COL5A2: variants seen among roughly 807,000 people sequenced by gnomAD.
COL5A2 encodes the protein collagen type V alpha 2 chain, also known as collagen alpha-2(V) chain.
In COL5A2, 23 loss-of-function variants were observed where a neutral mutation model predicts 208.2. That is an observed-to-expected ratio of 0.11 (90% CI 0.08 to 0.16). COL5A2 has a LOEUF of 0.16. Ranked by LOEUF, COL5A2 falls within the 10% of genes least tolerant of loss-of-function variation. COL5A2 has a pLI of 1.00. For missense variants in COL5A2, 1,590 were observed against 1,956.4 expected, an observed-to-expected ratio of 0.81 and a Z score of 3.53; for synonymous variants, 625 against 628.5, an observed-to-expected ratio of 0.99 and a Z score of 0.08.
At chr2:189,336,289 T>C in the COL5A2 span, among the ~76,000 whole-genome samples, 1 of 152,298 alleles carries the variant, frequency 6.6e-6, no homozygotes, top group Middle Eastern at 3.4e-3. Flanking sequence ...ACATTGCTGT[T>C]GAGATTGTCA....
intron 1 of COL5A2, among the ~76,000 whole-genome samples, chr2:189,174,064 CTG>C (rs1232698587): frequency 6.6e-6 from 1 of 152,158 alleles, no homozygotes; most frequent in South Asian, 2.1e-4. Flanking sequence ...CCAGAGAAAA[CTG>C]TATGATTTTT....
intron 35 of COL5A2, among the ~76,000 whole-genome samples, chr2:189,055,547 T>C (rs1162031924): frequency 1.3e-5 from 2 of 152,232 alleles, no homozygotes; most frequent in African/African-American, 4.8e-5. Context: ...TTATAGTCTC[T>C]GGATCTACAA....
chr2:189,103,178 G>A (rs1261945693), intron 3 of COL5A2, among the ~76,000 whole-genome samples: 1 of 151,900 alleles, frequency 6.6e-6, no homozygotes. Context: ...GTTTGTTCAA[G>A]GCCTATACCA....
At chr2:189,202,574 A>G (rs939132110) in intron 1 of COL5A2, among the ~76,000 whole-genome samples, 1 of 152,136 alleles carries the variant, frequency 6.6e-6, no homozygotes, top group Non-Finnish European at 1.5e-5. Flanking sequence ...ATGTGGTAGA[A>G]AATTGTGAGC....
the COL5A2 span, among the ~76,000 whole-genome samples, chr2:189,297,423 G>A: frequency 6.6e-6 from 1 of 152,116 alleles, no homozygotes; most frequent in East Asian, 1.9e-4. Flanking sequence ...ATGTTATTAT[G>A]CATGACATGC....
chr2:189,418,072 G>A, the COL5A2 span, among the ~76,000 whole-genome samples: 1 of 151,934 alleles, frequency 6.6e-6, no homozygotes, highest in Non-Finnish European at 1.5e-5. Context: ...ACAAAAGGAA[G>A]AGTTATCTTA....
At chr2:189,297,158 G>T in the COL5A2 span, among the ~76,000 whole-genome samples, 1 of 152,160 alleles carries the variant, frequency 6.6e-6, no homozygotes, top group Non-Finnish European at 1.5e-5. Flanking sequence ...TAACTTCAAA[G>T]ATTTTTAAAA....
chr2:189,117,968 G>A (rs1687428081), intron 1 of COL5A2, among the ~76,000 whole-genome samples: 1 of 152,068 alleles, frequency 6.6e-6, no homozygotes, highest in African/African-American at 2.4e-5. Context: ...GTTTGCTTAA[G>A]AAGCTTTATA....
At chr2:189,308,128 G>A in the COL5A2 span, among the ~76,000 whole-genome samples, 1 of 152,128 alleles carries the variant, frequency 6.6e-6, no homozygotes, top group South Asian at 2.1e-4. Flanking sequence ...TGGGTGTGTA[G>A]GTGTGGGTGT....
At chr2:189,065,979 G>A (rs1489876944) in intron 23 of COL5A2, among the ~76,000 whole-genome samples, 1 of 152,160 alleles carries the variant, frequency 6.6e-6, no homozygotes, top group Non-Finnish European at 1.5e-5. Flanking sequence ...TATATGTGTA[G>A]TTACTCTCCA....
intron 23 of COL5A2, among the ~76,000 whole-genome samples, chr2:189,065,583 T>C (rs1361445446): frequency 6.6e-6 from 1 of 151,896 alleles, no homozygotes; most frequent in African/African-American, 2.4e-5. Flanking sequence ...TAACGATTCA[T>C]AGTAAAATTA....
the COL5A2 span, among the ~76,000 whole-genome samples, chr2:189,426,751 G>A: frequency 2.0e-5 from 3 of 152,228 alleles, no homozygotes; most frequent in African/African-American, 7.2e-5. Context: ...CTAGCGATGT[G>A]TGGAACTTAG....
chr2:189,048,720 T>C (rs546544135), intron 44 of COL5A2, among the ~76,000 whole-genome samples: 12 of 152,332 alleles, frequency 7.9e-5, no homozygotes, highest in African/African-American at 2.9e-4. Flanking sequence ...AATATGTCTT[T>C]GCTATTTGAT....
chr2:189,081,994 TATTG>T (rs1343457977), intron 12 of COL5A2, among the ~76,000 whole-genome samples: 6 of 152,216 alleles, frequency 3.9e-5, no homozygotes, highest in African/African-American at 1.4e-4. Context: ...TGTGATCACT[TATTG>T]ATTATTATTC....
At chr2:189,410,534 C>G in the COL5A2 span, among the ~76,000 whole-genome samples, 8 of 152,072 alleles carry the variant, frequency 5.3e-5, no homozygotes, top group Non-Finnish European at 8.8e-5. Context: ...CCAATTCACA[C>G]TAGCCTGAGC....
At chr2:189,073,109 C>A (rs572712723) in intron 17 of COL5A2, among the ~76,000 whole-genome samples, 219 of 152,194 alleles carry the variant, frequency 1.4e-3, no homozygotes, top group African/African-American at 4.9e-3. Flanking sequence ...TTATACTTTA[C>A]TTTTGGCTAA....
the COL5A2 span, among the ~76,000 whole-genome samples, chr2:189,259,199 C>A: frequency 1.3e-5 from 2 of 152,148 alleles, 1 homozygote; most frequent in Non-Finnish European, 2.9e-5. Flanking sequence ...GAAAAAAATG[C>A]ACTAGGAGAC....
At chr2:189,167,621 T>C (rs912821683) in intron 1 of COL5A2, among the ~76,000 whole-genome samples, 2 of 148,150 alleles carry the variant, frequency 1.3e-5, no homozygotes, top group Admixed American at 1.3e-4. Flanking sequence ...TCAACAATTA[T>C]CAAAACTTAA....
chr2:189,080,509 G>A (rs868286219), intron 13 of COL5A2, among the ~76,000 whole-genome samples: 1 of 111,938 alleles, frequency 8.9e-6, no homozygotes, highest in South Asian at 3.1e-4. Context: ...TTAGATAGAT[G>A]ATAGATTCTA....
Sources: allele counts gnomAD v4.1 joint callset (sites outside exome capture counted in the v4.1 genomes callset), GRCh38; gene constraint gnomAD v4.1.1; transcripts MANE v1.5; gene names NCBI Gene and HGNC (gene_info 2026-07-23, HGNC 2026-07-21).